Variants in CERS1 observed in about 807,000 individuals in gnomAD.
CERS1 encodes the protein Embryonic growth/differentiation factor 1.
Under a neutral mutation model 35.7 loss-of-function variants are expected in CERS1, and 16 were observed. The observed-to-expected ratio is 0.45, with a 90% CI of 0.30 to 0.68. The LOEUF (loss-of-function observed/expected upper bound fraction) is 0.68, where lower values mean the gene tolerates loss of function less well. CERS1 is among the 30% of genes least tolerant of loss of function. CERS1 has a pLI of 0.08. For synonymous variants in CERS1, 243 were observed against 201.6 expected, an observed-to-expected ratio of 1.21 and a Z score of -1.74; for missense variants, 454 against 453.9, an observed-to-expected ratio of 1.00 and a Z score of 0.00.
chr19:18,879,237 T>A lies in CERS1; in HGVS notation c.900+4A>T. 1 of 1,613,440 alleles carries A rather than the reference T, an allele frequency of 6.2e-7. No individual in the cohort carries two copies. The highest frequency in any genetic ancestry group is 8.5e-7 in the Non-Finnish European group (1 of 1,179,754). On this transcript the variant is annotated splice_donor_region_variant and intron_variant, in intron 5 of 7. Transcript: ENST00000623882. Reference sequence around the variant, plus strand: ...ACTGTGGAGGAGAGCCGGGGCCGACTCACCAGGAACCAGTAGAGGTTCATA... The same window carrying A: ...ACTGTGGAGGAGAGCCGGGGCCGACACACCAGGAACCAGTAGAGGTTCATA...
intron 7 of CERS1, 66 bp from the exon 8 acceptor site, chr19:18,869,456 A>G: frequency 6.8e-7 from 1 of 1,476,304 alleles, no homozygotes; most frequent in Non-Finnish European, 9.0e-7. Context: ...GGTCTCGGTT[A>G]GGGACAGGGA....
At chr19:18,871,872 T>C (rs980491625) in intron 6 of CERS1, among the ~76,000 whole-genome samples, 1 of 152,198 alleles carries the variant, frequency 6.6e-6, no homozygotes, top group Admixed American at 6.5e-5. Context: ...TCTCGATTCT[T>C]CCCATAAACA....
At chr19:18,886,917 A>G (rs2056375903) in intron 2 of CERS1, among the ~76,000 whole-genome samples, 1 of 152,048 alleles carries the variant, frequency 6.6e-6, no homozygotes, top group Admixed American at 6.5e-5. Flanking sequence ...CTCTCCAGCG[A>G]TCCCTGGCCC....
chr19:18,879,320 G>T lies in CERS1; in HGVS notation c.821C>A (p.Thr274Lys), dbSNP rs769809173. The T allele has an allele frequency of 6.2e-7, 1 of 1,610,186 alleles. No homozygotes were observed. Among genetic ancestry groups the T allele is most frequent in the South Asian group, 1.1e-5 (1 of 90,198 alleles). Reference sequence around the variant, plus strand: ...GAAGTAGAAGGGGATGTCAGGCACCGTGCGCAGACTGCAGTGACTGGTGGC... The same window carrying T: ...GAAGTAGAAGGGGATGTCAGGCACCTTGCGCAGACTGCAGTGACTGGTGGC... Reference protein sequence around the residue: ...LYATSHCSLRTVPDIPFYFFF... With the variant: ...LYATSHCSLRKVPDIPFYFFF... The change falls in exon 5 of 8, where the codon ACG becomes AAG. Residue 274 changes from threonine (T) to lysine (K), a missense_variant. Coordinates refer to ENST00000623882, the MANE Select transcript of CERS1 (RefSeq NM_021267.5).
intron 6 of CERS1, among the ~76,000 whole-genome samples, chr19:18,874,989 C>G (rs2056036095): frequency 6.6e-6 from 1 of 152,126 alleles, no homozygotes; most frequent in African/African-American, 2.4e-5. Context: ...AATGCCAGCA[C>G]TTTGGGAGGC....
Position 18,879,020 on chromosome 19 carries a change from G to A in CERS1, c.920C>T (p.Ala307Val), listed in dbSNP as rs1020582565. The change falls in exon 6 of 8, where the codon GCC becomes GTC. Residue 307 changes from alanine to valine, a missense_variant. Transcript: ENST00000623882. ...YWFLYIVAFA[A>V]KVLTGQVHEL... is the part of the protein sequence containing the mutation. The stretch of plus-strand genomic sequence containing the variant: ...GTGCACCTGGCCTGTCAACACCTTG[G>A]CTGCAAACGCCACGATGTACTGCGA... 6.2e-7 allele frequency: 1 copy of A among 1,613,674 alleles called. No individual in the cohort carries two copies. The highest frequency in any genetic ancestry group is 1.7e-5 in the Admixed American group (1 of 60,000).
At chr19:18,896,340 C>A (rs1290930494), upstream of CERS1, among the ~76,000 whole-genome samples, 1 of 151,158 alleles carries the variant, frequency 6.6e-6, no homozygotes, top group African/African-American at 2.4e-5. This position sits in a 1 kb window ranked among gnomAD's most constrained non-coding sequence, Gnocchi z 5.9. Context: ...AGCTGGGGGC[C>A]CGTTGGACCT....
chr19:18,889,190 C>T (rs2056435746), intron 2 of CERS1, among the ~76,000 whole-genome samples: 1 of 152,076 alleles, frequency 6.6e-6, no homozygotes, highest in African/African-American at 2.4e-5. Flanking sequence ...CTGCACCCGG[C>T]CCACTTCAGC....
intron 1 of CERS1, 121 bp from the exon 2 acceptor site, chr19:18,893,696 C>A: frequency 1.0e-6 from 1 of 977,876 alleles, no homozygotes; most frequent in African/African-American, 1.6e-5. Context: ...AGGCCTGTCC[C>A]CCATGCCCAC....
chr19:18,872,115 C>T (rs890568625), intron 6 of CERS1, among the ~76,000 whole-genome samples: 1 of 152,214 alleles, frequency 6.6e-6, no homozygotes, highest in African/African-American at 2.4e-5. Context: ...CCACTCAGTT[C>T]CCACAGAGAG....
In CERS1 at chr19:18,870,276, T is replaced by C; in HGVS notation, c.*301A>G. The C allele has an allele frequency of 1.3e-6, 2 of 1,547,912 alleles. No individual in the cohort carries two copies. Among genetic ancestry groups the C allele is most frequent in the Non-Finnish European group, 1.7e-6 (2 of 1,148,638 alleles). On this transcript the variant is annotated 3_prime_UTR_variant, in exon 7 of 8. Transcript: ENST00000623882. This position sits in a 1 kb window ranked among gnomAD's most constrained non-coding sequence, Gnocchi z 5.1. ...CAGGGCCAGGAGGAGGAGGAGGTGG[T>C]GGCCGCAGGGACCTTGCTGCGGCGG...
intron 2 of CERS1, among the ~76,000 whole-genome samples, chr19:18,892,832 G>T (rs1045903889): frequency 6.6e-6 from 1 of 152,134 alleles, no homozygotes; most frequent in Non-Finnish European, 1.5e-5. Flanking sequence ...CTGTCCCCAG[G>T]GATCACCTTT....
At chr19:18,881,364 G>A (rs930822665) in intron 3 of CERS1, among the ~76,000 whole-genome samples, 1 of 151,902 alleles carries the variant, frequency 6.6e-6, no homozygotes, top group Non-Finnish European at 1.5e-5. Flanking sequence ...GGCATTACAG[G>A]TATGTGCCAC....
chr19:18,878,363 G>T lies in CERS1; in HGVS notation c.1010+567C>A. 6 of 986,200 alleles carry T rather than the reference G, an allele frequency of 6.1e-6. No homozygotes were observed. The highest frequency in any genetic ancestry group is 7.2e-6 in the Non-Finnish European group (6 of 830,752). 61.1% of individuals were successfully genotyped at this position (986,200 alleles called of 1,614,324 possible). A position where few individuals can be genotyped will look rare whatever the true frequency, so the allele number is the denominator to read the frequency against. On this transcript the variant is annotated intron_variant, in intron 6 of 7. Coordinates refer to ENST00000623882, the MANE Select transcript of CERS1 (RefSeq NM_021267.5). This position sits in a 1 kb window ranked among gnomAD's most constrained non-coding sequence, Gnocchi z 4.6. ...CTGTCACCCAGGGCTGGTGAGGCTC[G>T]TGGGCTATCTCCTTCCCCAGGACTC...
intron 3 of CERS1, among the ~76,000 whole-genome samples, chr19:18,882,425 G>A (rs925557737): frequency 6.6e-6 from 1 of 151,480 alleles, no homozygotes; most frequent in African/African-American, 2.4e-5. Flanking sequence ...TTGAGGTCAG[G>A]AGTTCGAGTC....
intron 6 of CERS1, among the ~76,000 whole-genome samples, chr19:18,875,900 G>C (rs1000815859): frequency 1.3e-5 from 2 of 152,190 alleles, no homozygotes; most frequent in Non-Finnish European, 2.9e-5. Context: ...GGGGATCCTC[G>C]CTTAGAGTTC....
At chr19:18,882,395 G>A (rs1011788667) in intron 3 of CERS1, among the ~76,000 whole-genome samples, 6 of 151,658 alleles carry the variant, frequency 4.0e-5, no homozygotes, top group African/African-American at 1.2e-4. Flanking sequence ...CACTTTGGGA[G>A]GCCGAGGCAG....
intron 2 of CERS1, among the ~76,000 whole-genome samples, chr19:18,884,709 C>CTTTTTTTTTT (rs36074874): frequency 2.9e-5 from 2 of 69,128 alleles, no homozygotes; most frequent in African/African-American, 6.1e-5. Flanking sequence ...GCCCAGCCGT[C>CTTTTTTTTTT]TTTTTTTTTT....
In CERS1 at chr19:18,868,614, C is replaced by A. The variant is rs369804280; in HGVS notation, c.*1371G>T. On this transcript the variant is annotated 3_prime_UTR_variant, in exon 8 of 8. Transcript: ENST00000623882. ...GCCCCGGGTTAGCGGCAGCCGCACT[C>A]GTCCACCACCATGTCCTCATACTGC... 1 of 1,564,268 alleles carries A rather than the reference C, an allele frequency of 6.4e-7. No individual in the cohort carries two copies. Among genetic ancestry groups the A allele is most frequent in the East Asian group, 2.4e-5 (1 of 42,124 alleles).
Sources: allele counts gnomAD v4.1 joint callset (sites outside exome capture counted in the v4.1 genomes callset), GRCh38; gene constraint gnomAD v4.1.1; non-coding constraint Gnocchi (gnomAD v3.1); transcripts MANE v1.5; gene names NCBI Gene and HGNC (gene_info 2026-07-23, HGNC 2026-07-21).